CTBP2: variants seen among roughly 807,000 people sequenced by gnomAD.
CTBP2 encodes the protein C-terminal-binding protein 2.
CTBP2 carries 30 observed loss-of-function variants against 80.3 expected under a neutral mutation model. The ratio of observed to expected loss-of-function variants is 0.37; its 90% confidence interval spans 0.28 to 0.51. The LOEUF (loss-of-function observed/expected upper bound fraction) is 0.51. CTBP2 is among the 20% of genes least tolerant of loss of function. CTBP2 has a pLI of 0.93. For missense variants in CTBP2, 1,212 were observed against 1,375.3 expected, an observed-to-expected ratio of 0.88 and a Z score of 1.88; for synonymous variants, 594 against 587.4, an observed-to-expected ratio of 1.01 and a Z score of -0.16.
At chr10:125,095,268 G>A (rs539182407) in intron 2 of CTBP2, among the ~76,000 whole-genome samples, 145 of 152,286 alleles carry the variant, frequency 9.5e-4, no homozygotes, top group Non-Finnish European at 1.7e-3. Flanking sequence ...ACAGAGGGGC[G>A]TAGGGTCCCA....
chr10:125,030,498 G>C (rs556381702), upstream of CTBP2, among the ~76,000 whole-genome samples: 3 of 152,176 alleles, frequency 2.0e-5, no homozygotes, highest in African/African-American at 7.2e-5. Context: ...GCCAGGATGG[G>C]GATGATCAGT....
At position 125,066,688 on chromosome 10, in the gene CTBP2, C is replaced by T. The variant is rs911711999; in HGVS notation, c.-101-27533G>A. Among the ~76,000 whole-genome samples the T allele has an allele frequency of 3.9e-5, 6 of 152,168 alleles. No individual in the cohort carries two copies. The highest frequency in any genetic ancestry group is 7.2e-5 in the African/African-American group (3 of 41,434). ...GTAATCTCCAGTCCTGCCACTGACT[C>T]GTGAGCTGTGTGACTCTGGGTACAT... is the stretch of plus-strand genomic sequence containing the variant. On this transcript the variant is annotated intron_variant, in intron 2 of 10. Coordinates refer to the CTBP2 transcript ENST00000337195. This position sits in a 1 kb window ranked among gnomAD's most constrained non-coding sequence, Gnocchi z 4.1.
At chr10:125,119,172 A>AG (rs1377006669) in intron 1 of CTBP2, among the ~76,000 whole-genome samples, 3 of 152,220 alleles carry the variant, frequency 2.0e-5, no homozygotes, top group African/African-American at 4.8e-5. Context: ...AGGTGAGCAG[A>AG]GGGGTCTTCA....
rs1311288198 is a variant in CTBP2 at position 125,066,261 on chromosome 10, G to A, written c.-101-27106C>T. On this transcript the variant is annotated intron_variant, in intron 2 of 10. Coordinates refer to the CTBP2 transcript ENST00000337195. This position sits in a 1 kb window ranked among gnomAD's most constrained non-coding sequence, Gnocchi z 4.1. Reference sequence around the variant, plus strand: ...GCACAGGCAGCCACCCCTCTACCAAGCCACATCCCAAATCCTAACCCCAGC... The same window carrying A: ...GCACAGGCAGCCACCCCTCTACCAAACCACATCCCAAATCCTAACCCCAGC... 6.6e-6 allele frequency among the ~76,000 whole-genome samples: 1 copy of A among 152,048 alleles called. No homozygotes were observed. Among genetic ancestry groups the A allele is most frequent in the African/African-American group, 2.4e-5 (1 of 41,386 alleles).
chr10:125,112,893 T>C (rs1380565503), intron 1 of CTBP2, among the ~76,000 whole-genome samples: 2 of 152,246 alleles, frequency 1.3e-5, no homozygotes, highest in Non-Finnish European at 2.9e-5. Context: ...AAAGAAGAAC[T>C]GCTACACTCA....
At chr10:125,067,710 A>T (rs1246121035) in intron 2 of CTBP2, among the ~76,000 whole-genome samples, 1 of 152,224 alleles carries the variant, frequency 6.6e-6, no homozygotes, top group Non-Finnish European at 1.5e-5. Flanking sequence ...CTCTCAAAGC[A>T]GTAAGTTATA....
intron 2 of CTBP2, among the ~76,000 whole-genome samples, chr10:125,096,446 A>G (rs1282992513): frequency 6.6e-6 from 1 of 152,208 alleles, no homozygotes; most frequent in Admixed American, 6.5e-5. Context: ...TGACTGATCA[A>G]TACTTCCTAT....
intron 6 of CTBP2, 127 bp from the exon 9 acceptor site, chr10:124,993,456 C>G (rs993023341): frequency 1.9e-6 from 2 of 1,069,026 alleles, no homozygotes; most frequent in African/African-American, 3.2e-5. Flanking sequence ...ACAGGAACAT[C>G]TGTGATGATA....
intron 2 of CTBP2, among the ~76,000 whole-genome samples, chr10:125,055,802 A>T (rs1026544026): frequency 1.3e-5 from 2 of 152,210 alleles, no homozygotes; most frequent in Non-Finnish European, 2.9e-5. Context: ...AGTCCCTCTG[A>T]GGAGTGGGAC....
At chr10:125,078,844 T>G (rs1369763304) in intron 2 of CTBP2, among the ~76,000 whole-genome samples, 1 of 151,934 alleles carries the variant, frequency 6.6e-6, no homozygotes, top group African/African-American at 2.4e-5. Context: ...ATCAAAAAAT[T>G]TGGAATAACC....
intron 2 of CTBP2, among the ~76,000 whole-genome samples, chr10:125,087,163 C>A (rs1157303822): frequency 6.6e-6 from 1 of 151,040 alleles, no homozygotes; most frequent in Non-Finnish European, 1.5e-5. Flanking sequence ...CAACTTCCAA[C>A]TCCTGGGTTC....
At position 125,005,676 on chromosome 10, in the gene CTBP2, G is replaced by A. The variant is rs1381073717; in HGVS notation, c.1679-2184C>T. ...CCCGACACACATGGCTCCCACCTGG[G>A]CTCCTGTTTTCTGCTAAGAAAATGG... On this transcript the variant is annotated intron_variant, in intron 1 of 8. Transcript: ENST00000309035. 3.7e-6 allele frequency: 6 copies of A among 1,612,882 alleles called. No individual in the cohort carries two copies. In the South Asian group the frequency reaches 6.6e-5, roughly 18 times the overall value.
At chr10:125,036,707 GTGTGTGTGTT>G (rs57240876) in intron 3 of CTBP2, among the ~76,000 whole-genome samples, 30 of 103,910 alleles carry the variant, frequency 2.9e-4, no homozygotes, top group African/African-American at 1.4e-3. Context: ...GTGTGTGTGT[GTGTGTGTGTT>G]TGTGTGTGTT....
chr10:125,030,716 G>A (rs190538046), upstream of CTBP2, among the ~76,000 whole-genome samples: 158 of 152,336 alleles, frequency 1.0e-3, no homozygotes, highest in African/African-American at 3.7e-3. Context: ...TCAATGGTGT[G>A]TCCCTCTTAA....
At chr10:124,994,175 G>C (rs1953125919) in intron 5 of CTBP2, among the ~76,000 whole-genome samples, 190 bp from the exon 8 acceptor site, 1 of 152,234 alleles carries the variant, frequency 6.6e-6, no homozygotes, top group Non-Finnish European at 1.5e-5. Flanking sequence ...TGCTGATCCT[G>C]AGAGGAAGCA....
chr10:125,146,647 A>G (rs1858831782), intron 1 of CTBP2, among the ~76,000 whole-genome samples: 1 of 152,168 alleles, frequency 6.6e-6, no homozygotes, highest in Admixed American at 6.5e-5. Context: ...TGAAATGACC[A>G]GCCCACTCTG....
At chr10:125,010,548 T>C (rs371231018) in intron 1 of CTBP2, among the ~76,000 whole-genome samples, 12 of 152,142 alleles carry the variant, frequency 7.9e-5, no homozygotes, top group African/African-American at 2.7e-4. Context: ...AACCCTTATC[T>C]CTCTTTCTGC....
At chr10:125,012,513 G>C (rs1162000871) in intron 1 of CTBP2, among the ~76,000 whole-genome samples, 1 of 152,186 alleles carries the variant, frequency 6.6e-6, no homozygotes, top group Non-Finnish European at 1.5e-5. Flanking sequence ...GGCACGCCAA[G>C]GTCAGATGCG....
intron 2 of CTBP2, among the ~76,000 whole-genome samples, chr10:125,087,700 C>T (rs985251945): frequency 6.6e-6 from 1 of 152,232 alleles, no homozygotes; most frequent in African/African-American, 2.4e-5. Flanking sequence ...TGTTTAAGCA[C>T]AAGAGGTCTC....
Sources: allele counts gnomAD v4.1 joint callset (sites outside exome capture counted in the v4.1 genomes callset), GRCh38; gene constraint gnomAD v4.1.1; non-coding constraint Gnocchi (gnomAD v3.1); transcripts MANE v1.5; gene names NCBI Gene and HGNC (gene_info 2026-07-23, HGNC 2026-07-21).